The following LRCH1 variants were observed in gnomAD, a reference collection of about 807,000 sequenced individuals.
The protein encoded by LRCH1 is leucine rich repeats and calponin homology domain containing 1, also known as leucine-rich repeat and calponin homology domain-containing protein 1.
LRCH1 carries 23 observed loss-of-function variants against 94.9 expected under a neutral mutation model. The ratio of observed to expected loss-of-function variants is 0.24; its 90% CI spans 0.17 to 0.34. The LOEUF (loss-of-function observed/expected upper bound fraction) is 0.34. Ranked by LOEUF, LRCH1 falls within the 10% of genes least tolerant of loss-of-function variation. The pLI, the probability that LRCH1 is intolerant of heterozygous loss-of-function variation, is 1.00. For missense variants in LRCH1, 790 were observed against 945.9 expected, an observed-to-expected ratio of 0.84 and a Z score of 2.16; for synonymous variants, 364 against 354.9, an observed-to-expected ratio of 1.03 and a Z score of -0.29.
In LRCH1 at chr13:46,554,808, G is replaced by A. The variant is rs2050045418; in HGVS notation, c.307+1105G>A. ...AGCGCCCAACATTTCCCAGGGCAGT[G>A]GGTGCTCCGTTTTGGAGCCGCTGCC... On this transcript the variant is annotated intron_variant, in intron 1 of 19. Coordinates refer to ENST00000389797, the MANE Select transcript of LRCH1 (RefSeq NM_001164211.2). 4.0e-5 allele frequency among the ~76,000 whole-genome samples: 6 copies of A among 151,622 alleles called. No individual in the cohort carries two copies. The South Asian group carries it at 1.2e-3, about 31-fold the overall frequency.
intron 1 of LRCH1, among the ~76,000 whole-genome samples, chr13:46,582,960 T>C (rs1029470762): frequency 1.3e-5 from 2 of 151,966 alleles, no homozygotes; most frequent in Non-Finnish European, 2.9e-5. Context: ...GTTCTATATA[T>C]AGTCAAGAGT....
intron 1 of LRCH1, among the ~76,000 whole-genome samples, chr13:46,572,414 G>A (rs1331265248): frequency 6.6e-6 from 1 of 152,152 alleles, no homozygotes; most frequent in East Asian, 1.9e-4. Context: ...TTATACATAT[G>A]GCATGGTGTC....
At chr13:46,741,043 C>G (rs1467669910) in intron 19 of LRCH1, among the ~76,000 whole-genome samples, 3 of 151,788 alleles carry the variant, frequency 2.0e-5, no homozygotes, top group Admixed American at 2.0e-4. Context: ...TGTGTTGTTG[C>G]AAAAATATGA....
intron 3 of LRCH1, among the ~76,000 whole-genome samples, chr13:46,671,868 G>A (rs774052898): frequency 4.6e-5 from 7 of 152,114 alleles, no homozygotes; most frequent in Admixed American, 6.5e-5. Flanking sequence ...TGTCATCAAC[G>A]TTCCCCACCA....
chr13:46,600,519 A>G (rs899544992), intron 1 of LRCH1, among the ~76,000 whole-genome samples: 4 of 152,156 alleles, frequency 2.6e-5, no homozygotes, highest in Middle Eastern at 3.4e-3. Flanking sequence ...TTCAAAACTG[A>G]ATTTACTGCT....
intron 3 of LRCH1, chr13:46,680,016 A>G (rs963312689): frequency 2.6e-5 from 4 of 152,254 alleles, no homozygotes; most frequent in African/African-American, 9.6e-5. Context: ...TATTTGAATG[A>G]AAGTGAAACA....
At chr13:46,738,966 G>C (rs959107673) in intron 19 of LRCH1, among the ~76,000 whole-genome samples, 1 of 152,108 alleles carries the variant, frequency 6.6e-6, no homozygotes, top group Non-Finnish European at 1.5e-5. Context: ...CCTCATCGCT[G>C]AATTATGGCT....
chr13:46,705,610 C>T, intron 13 of LRCH1: 1 of 510,340 alleles, frequency 2.0e-6, no homozygotes, highest in South Asian at 2.0e-5. Flanking sequence ...GGGAATCTGC[C>T]TGTGTGTCAG....
chr13:46,558,458 G>A (rs374484306), intron 1 of LRCH1, among the ~76,000 whole-genome samples: 1 of 151,298 alleles, frequency 6.6e-6, no homozygotes, highest in African/African-American at 2.4e-5. Flanking sequence ...ACAGTTGGCC[G>A]GGTGTGGTGA....
chr13:46,701,897 C>T (rs543225429), intron 11 of LRCH1, among the ~76,000 whole-genome samples: 28 of 152,224 alleles, frequency 1.8e-4, no homozygotes, highest in East Asian at 1.7e-3. Flanking sequence ...ATGATGAACA[C>T]GGGAATCACA....
At chr13:46,562,124 T>C (rs2050135834) in intron 1 of LRCH1, among the ~76,000 whole-genome samples, 1 of 152,186 alleles carries the variant, frequency 6.6e-6, no homozygotes, top group Non-Finnish European at 1.5e-5. Flanking sequence ...GCATTTTTCA[T>C]CCATCATCTT....
intron 1 of LRCH1, among the ~76,000 whole-genome samples, chr13:46,644,021 T>C (rs1408308982): frequency 6.6e-6 from 1 of 152,234 alleles, no homozygotes; most frequent in African/African-American, 2.4e-5. Context: ...CATTGCTGTA[T>C]CTTCCTGATA....
intron 16 of LRCH1, among the ~76,000 whole-genome samples, chr13:46,720,755 A>G (rs1400783790): frequency 1.3e-5 from 2 of 152,226 alleles, no homozygotes; most frequent in South Asian, 2.1e-4. Context: ...AATCAGAGGT[A>G]CTTTAATGGT....
intron 1 of LRCH1, among the ~76,000 whole-genome samples, chr13:46,590,297 T>C (rs1280325555): frequency 6.6e-6 from 1 of 152,162 alleles, no homozygotes; most frequent in African/African-American, 2.4e-5. Flanking sequence ...ACCCTATCTC[T>C]TTCTATCTCC....
At chr13:46,673,017 A>G (rs1363514498) in intron 3 of LRCH1, among the ~76,000 whole-genome samples, 1 of 152,260 alleles carries the variant, frequency 6.6e-6, no homozygotes, top group Non-Finnish European at 1.5e-5. Flanking sequence ...TACATAGCCA[A>G]GTAAGAAGCA....
chr13:46,741,516 GA>G (rs1266457856), intron 19 of LRCH1, 125 bp from the exon 20 acceptor site: 2 of 1,061,400 alleles, frequency 1.9e-6, no homozygotes, highest in African/African-American at 3.1e-5. Context: ...TTACCTGCTT[GA>G]AATAAGGGGT....
chr13:46,626,974 A>C (rs1294802237), intron 1 of LRCH1, among the ~76,000 whole-genome samples: 1 of 152,210 alleles, frequency 6.6e-6, no homozygotes, highest in Non-Finnish European at 1.5e-5. Flanking sequence ...AGTCATCCTC[A>C]AATTAATGTT....
intron 19 of LRCH1, among the ~76,000 whole-genome samples, chr13:46,741,406 C>T (rs910262939): frequency 2.4e-4 from 37 of 152,076 alleles, no homozygotes; most frequent in African/African-American, 8.2e-4. Flanking sequence ...TCCTCCATGG[C>T]GAGATTGTGA....
intron 1 of LRCH1, among the ~76,000 whole-genome samples, chr13:46,604,789 TAC>T (rs1317430998): frequency 6.6e-6 from 1 of 152,246 alleles, no homozygotes; most frequent in African/African-American, 2.4e-5. Flanking sequence ...CAACACTATC[TAC>T]AGAGTTTTAA....
Sources: gnomAD v4.1 joint callset for allele counts (sites outside exome capture counted in the v4.1 genomes callset) on GRCh38, gnomAD v4.1.1 for gene constraint, MANE v1.5 for transcripts, NCBI Gene and HGNC (gene_info 2026-07-23, HGNC 2026-07-21) for gene names.